LAMC3: variants seen among roughly 807,000 people sequenced by gnomAD.
LAMC3 encodes the protein laminin subunit gamma 3, also known as laminin subunit gamma-3.
In LAMC3, 128 loss-of-function variants were observed where a neutral mutation model predicts 173.8. The observed-to-expected ratio is 0.74, with a 90% CI of 0.64 to 0.85. LAMC3 has a LOEUF of 0.85. LAMC3 is among the 40% of genes least tolerant of loss of function. The probability of loss-of-function intolerance (pLI) is 0.00; values close to 1 mark genes in which losing one functional copy is unlikely to be tolerated. For missense variants in LAMC3, 2,022 were observed against 2,156.0 expected (o/e 0.94, Z 1.23); for synonymous variants, 897 against 909.1 (o/e 0.99, Z 0.24).
At chr9:131,034,845 C>T (rs1209215277) in intron 3 of LAMC3, among the ~76,000 whole-genome samples, 1 of 152,246 alleles carries the variant, frequency 6.6e-6, no homozygotes, top group Non-Finnish European at 1.5e-5. Context: ...CCACCTGTCT[C>T]TTGATCCTGT....
At chr9:131,064,542 A>G (rs922322866) in intron 13 of LAMC3, among the ~76,000 whole-genome samples, 42 of 152,190 alleles carry the variant, frequency 2.8e-4, no homozygotes, top group Admixed American at 2.0e-3. Flanking sequence ...GGGCGCCTGT[A>G]GTCCCAGCTA....
At chr9:131,044,109 C>G (rs1016038307) in intron 7 of LAMC3, among the ~76,000 whole-genome samples, 1 of 151,916 alleles carries the variant, frequency 6.6e-6, no homozygotes, top group African/African-American at 2.4e-5. Flanking sequence ...TAGGCACCCA[C>G]CACCACGCCT....
rs184447346 is a variant in LAMC3 at position 131,032,156 on chromosome 9, G to A, written c.790G>A (p.Asp264Asn). Reference protein sequence around the residue: ...VLQSYYYAVSDFSVGGRCKCN... With the variant: ...VLQSYYYAVSNFSVGGRCKCN... The stretch of plus-strand genomic sequence containing the variant: ...CCAGTCCTACTATTATGCCGTGTCC[G>A]ACTTCTCTGTGGGCGGCAGGTAGGA... The change falls in exon 3 of 28, where the codon GAC becomes AAC. Residue 264 changes from aspartate to asparagine, a missense_variant. Coordinates refer to ENST00000361069, the MANE Select transcript of LAMC3 (RefSeq NM_006059.4). 7.6e-6 allele frequency: 12 copies of A among 1,583,070 alleles called. No individual in the cohort carries two copies. In the Admixed American group the frequency reaches 1.5e-4, roughly 20 times the overall value.
intron 2 of LAMC3, among the ~76,000 whole-genome samples, chr9:131,027,222 C>T (rs1165590151): frequency 1.3e-5 from 2 of 152,246 alleles, no homozygotes; most frequent in Non-Finnish European, 2.9e-5. Context: ...GGTGTGGAAG[C>T]TGAGGCCTGG....
chr9:131,028,229 A>G (rs1833763313), intron 2 of LAMC3, among the ~76,000 whole-genome samples: 1 of 152,156 alleles, frequency 6.6e-6, no homozygotes, highest in African/African-American at 2.4e-5. Context: ...CTGAGGTGGA[A>G]CAGTTTCATC....
chr9:131,050,957 C>G (rs1196101035), intron 9 of LAMC3, among the ~76,000 whole-genome samples: 1 of 152,124 alleles, frequency 6.6e-6, no homozygotes, highest in Non-Finnish European at 1.5e-5. Flanking sequence ...GTGATTGATT[C>G]TGGAGGCCGA....
At chr9:131,021,150 TTCTC>T (rs1032628476) in intron 1 of LAMC3, 1 of 152,168 alleles carries the variant, frequency 6.6e-6, no homozygotes, top group African/African-American at 2.4e-5. Context: ...GTTGCAAAAA[TTCTC>T]TCTCCGTAGT....
chr9:131,011,179 A>G (rs1381454977), intron 1 of LAMC3, among the ~76,000 whole-genome samples: 1 of 152,234 alleles, frequency 6.6e-6, no homozygotes, highest in African/African-American at 2.4e-5. Flanking sequence ...CACTGGGGGT[A>G]TTAGCACAAT....
intron 24 of LAMC3, among the ~76,000 whole-genome samples, chr9:131,083,865 C>CTT (rs61109597): frequency 3.5e-4 from 17 of 49,260 alleles, no homozygotes; most frequent in South Asian, 1.2e-3. Flanking sequence ...GTAATAAGTG[C>CTT]TTTTTTTTTT....
chr9:131,056,393 T>TAA (rs994261007), intron 11 of LAMC3, among the ~76,000 whole-genome samples: 2 of 151,934 alleles, frequency 1.3e-5, no homozygotes, highest in African/African-American at 4.8e-5. Context: ...TATATATCGT[T>TAA]AATAACCTGT....
intron 3 of LAMC3, 70 bp downstream of exon 3, chr9:131,032,245 GT>G: frequency 2.1e-6 from 1 of 480,876 alleles, no homozygotes; most frequent in Non-Finnish European, 4.1e-6. Flanking sequence ...GGTGGCTGCT[GT>G]GGGGTGGGGG....
Position 131,072,820 on chromosome 9 carries a change from C to A in LAMC3, c.3402C>A (p.Ala1134=). 1 of 1,611,636 alleles carries A rather than the reference C, an allele frequency of 6.2e-7. No homozygotes were observed. The highest frequency in any genetic ancestry group is 8.5e-7 in the Non-Finnish European group (1 of 1,179,100). ...AAGAGGAGATTCTGCATGCAGCTGC[C>A]ATTCTCGCGTCTCTGGTATCCCAGG... is the stretch of plus-strand genomic sequence containing the variant. ...SSEEEILHAA[A]ILASLEIPQE... The change falls in exon 19 of 28, where the codon GCC becomes GCA. Residue 1134 remains alanine, a synonymous_variant. Transcript: ENST00000361069.
At chr9:131,040,756 AG>A (rs1434647017) in intron 6 of LAMC3, among the ~76,000 whole-genome samples, 1 of 152,014 alleles carries the variant, frequency 6.6e-6, no homozygotes, top group Admixed American at 6.6e-5. Context: ...TCAGCTGAGC[AG>A]CCCCGCTCTC....
rs1830036855 is a variant in LAMC3, at chr9:131,071,578, G to GA, written c.3165dup (p.Glu1056ArgfsTer176). ...TGGGGACCACTAGACATTCTGCTGG[G>GA]AGAGGCCCCAAGGGGGGACGTCTAC... On this transcript the variant is annotated frameshift_variant, in exon 18 of 28. Coordinates refer to ENST00000361069, the MANE Select transcript of LAMC3 (RefSeq NM_006059.4). LOFTEE classifies it high-confidence loss of function. The GA allele has an allele frequency of 6.2e-7, 1 of 1,610,262 alleles. No homozygotes were observed. Among genetic ancestry groups the GA allele is most frequent in the Non-Finnish European group, 8.5e-7 (1 of 1,177,528 alleles).
intron 1 of LAMC3, among the ~76,000 whole-genome samples, chr9:131,016,536 A>G (rs1833521952): frequency 6.6e-6 from 1 of 152,238 alleles, no homozygotes; most frequent in Admixed American, 6.5e-5. Context: ...AAATAAGGGA[A>G]GGGTCCTAAT....
chr9:131,079,437 G>A, intron 23 of LAMC3, 139 bp downstream of exon 23: 1 of 983,432 alleles, frequency 1.0e-6, no homozygotes, highest in Non-Finnish European at 1.5e-6. Flanking sequence ...GCTCACACCT[G>A]TAATCCCACC....
intron 22 of LAMC3, 34 bp downstream of exon 22, chr9:131,077,368 T>C (rs767271332): frequency 6.2e-7 from 1 of 1,611,054 alleles, no homozygotes; most frequent in East Asian, 2.2e-5. Context: ...CCGTGTGGGG[T>C]CGGGAGGATC....
chr9:131,071,585 C>G lies in LAMC3; in HGVS notation c.3171C>G (p.Ala1057=). The change falls in exon 18 of 28, where the codon GCC becomes GCG. Residue 1057 remains alanine (A), a synonymous_variant. Transcript: ENST00000361069. ...CACTAGACATTCTGCTGGGAGAGGC[C>G]CCAAGGGGGGACGTCTACCAGGGCC... The part of the protein sequence containing the change: ...WGPLDILLGE[A]PRGDVYQGHH... The G allele has an allele frequency of 6.2e-7, 1 of 1,606,464 alleles. No individual in the cohort carries two copies. The highest frequency in any genetic ancestry group is 1.1e-5 in the South Asian group (1 of 90,294).
chr9:131,071,613 C>G lies in LAMC3; in HGVS notation c.3199C>G (p.His1067Asp). 1.3e-6 allele frequency: 2 copies of G among 1,589,068 alleles called. No individual in the cohort carries two copies. Among genetic ancestry groups the G allele is most frequent in the Non-Finnish European group, 1.7e-6 (2 of 1,164,602 alleles). The change falls in exon 18 of 28, where the codon CAC (histidine) becomes GAC (aspartate). Residue 1067 changes from histidine (H) to aspartate (D), a missense_variant. Physicochemically the swap from His to Asp is moderately conservative, Grantham distance 81. Coordinates refer to ENST00000361069, the MANE Select transcript of LAMC3 (RefSeq NM_006059.4). The stretch of plus-strand genomic sequence containing the variant: ...AAGGGGGGACGTCTACCAGGGCCAT[C>G]ACCTGCTTCCAGGTACAGCAGGAGC... ...APRGDVYQGH[H>D]LLPGAREAFL...
Sources: allele counts gnomAD v4.1 joint callset (sites outside exome capture counted in the v4.1 genomes callset), GRCh38; gene constraint gnomAD v4.1.1; transcripts MANE v1.5; gene names NCBI Gene and HGNC (gene_info 2026-07-23, HGNC 2026-07-21).